NAALADL2: variants seen among roughly 807,000 people sequenced by gnomAD.
The protein encoded by NAALADL2 is inactive N-acetylated-alpha-linked acidic dipeptidase-like protein 2.
Under a neutral mutation model 87.2 loss-of-function variants are expected in NAALADL2, and 76 were observed. The ratio of observed to expected loss-of-function variants is 0.87; its 90% confidence interval spans 0.72 to 1.05. The LOEUF (loss-of-function observed/expected upper bound fraction) is 1.05, where lower values mean the gene tolerates loss of function less well. Ranked by LOEUF, NAALADL2 falls within the 50% of genes least tolerant of loss-of-function variation. The pLI, the probability that NAALADL2 is intolerant of heterozygous loss-of-function variation, is 0.00. For missense variants in NAALADL2, 1,089 were observed against 945.8 expected, an observed-to-expected ratio of 1.15 and a Z score of -1.99; for synonymous variants, 354 against 331.0, an observed-to-expected ratio of 1.07 and a Z score of -0.75.
chr3:175,787,881 T>C (rs1017286395), intron 13 of NAALADL2, among the ~76,000 whole-genome samples: 27 of 152,214 alleles, frequency 1.8e-4, no homozygotes, highest in African/African-American at 6.0e-4. Flanking sequence ...TACAATAAGC[T>C]AAGGCTAATT....
At chr3:174,668,158 A>G (rs1481032711) in intron 2 of NAALADL2, among the ~76,000 whole-genome samples, 1 of 151,982 alleles carries the variant, frequency 6.6e-6, no homozygotes, top group Non-Finnish European at 1.5e-5. Flanking sequence ...GGTTATTTGC[A>G]TGTCTTCCTT....
chr3:174,943,437 C>G (rs1369279569), intron 1 of NAALADL2, among the ~76,000 whole-genome samples: 1 of 152,158 alleles, frequency 6.6e-6, no homozygotes, highest in Non-Finnish European at 1.5e-5. Flanking sequence ...TGTTCCCTCT[C>G]AATACTCTTG....
chr3:174,934,450 A>G (rs969168047), intron 1 of NAALADL2, among the ~76,000 whole-genome samples: 9 of 152,116 alleles, frequency 5.9e-5, no homozygotes, highest in African/African-American at 2.2e-4. Context: ...TACAATAACA[A>G]CACAGCTTTA....
At chr3:174,522,966 A>G (rs1299926170) in intron 1 of NAALADL2, among the ~76,000 whole-genome samples, 2 of 151,256 alleles carry the variant, frequency 1.3e-5, no homozygotes, top group African/African-American at 2.4e-5. Context: ...AAGAAAAAAA[A>G]CAACAACAAG....
At position 175,381,828 on chromosome 3, in the gene NAALADL2, G is replaced by T. The variant is rs892390367; in HGVS notation, c.1090+57503G>T. Among the ~76,000 whole-genome samples, 4 of 152,276 alleles carry T rather than the reference G, an allele frequency of 2.6e-5. No individual in the cohort carries two copies. In the South Asian group the frequency reaches 8.3e-4, roughly 32 times the overall value. ...ATTGTGGAGCAACAAGTGACTGGCG[G>T]GTTTGGGACAGTGAGAACAGCCATA... is the stretch of plus-strand genomic sequence containing the variant. On this transcript the variant is annotated intron_variant, in intron 5 of 13. Transcript: ENST00000454872.
At chr3:175,325,634 CTAAGTTGG>C (rs1016265707) in intron 5 of NAALADL2, among the ~76,000 whole-genome samples, 4 of 152,188 alleles carry the variant, frequency 2.6e-5, no homozygotes, top group African/African-American at 9.7e-5. Flanking sequence ...GTGCTCTAAC[CTAAGTTGG>C]TAAGTTGGTA....
intron 6 of NAALADL2, among the ~76,000 whole-genome samples, chr3:175,454,329 T>C (rs926329726): frequency 6.6e-6 from 1 of 152,136 alleles, no homozygotes; most frequent in African/African-American, 2.4e-5. Context: ...ATACATTTTG[T>C]ATTCTTTTAT....
At chr3:175,003,878 A>G (rs1351750889) in intron 1 of NAALADL2, among the ~76,000 whole-genome samples, 1 of 152,232 alleles carries the variant, frequency 6.6e-6, no homozygotes, top group African/African-American at 2.4e-5. Flanking sequence ...CAACAGAACA[A>G]GCCATCTGTC....
chr3:174,799,541 G>A (rs538861163), intron 3 of NAALADL2, among the ~76,000 whole-genome samples: 47 of 152,114 alleles, frequency 3.1e-4, no homozygotes, highest in Non-Finnish European at 6.0e-4. Context: ...TGACTGTGAA[G>A]CTTAAAAAGC....
At chr3:175,708,967 A>G (rs546263898) in intron 11 of NAALADL2, among the ~76,000 whole-genome samples, 2 of 145,172 alleles carry the variant, frequency 1.4e-5, no homozygotes, top group Non-Finnish European at 3.0e-5. Flanking sequence ...ATTTTCTTCA[A>G]GGTAGAAGAT....
chr3:175,292,516 T>C (rs1755758053), intron 4 of NAALADL2, among the ~76,000 whole-genome samples: 1 of 152,018 alleles, frequency 6.6e-6, no homozygotes, highest in South Asian at 2.1e-4. Context: ...TGATAATATT[T>C]CCACCTATTG....
intron 1 of NAALADL2, among the ~76,000 whole-genome samples, chr3:174,541,447 T>C (rs1179143304): frequency 1.3e-5 from 2 of 152,210 alleles, no homozygotes; most frequent in African/African-American, 4.8e-5. Flanking sequence ...AAGGTGATGG[T>C]TAAATAACAT....
chr3:175,368,698 G>A (rs1198489536), intron 5 of NAALADL2, among the ~76,000 whole-genome samples: 1 of 151,972 alleles, frequency 6.6e-6, no homozygotes, highest in Non-Finnish European at 1.5e-5. Context: ...ATTGTTGAGA[G>A]AACATCATAG....
chr3:174,499,224 C>T (rs1025902271), intron 1 of NAALADL2, among the ~76,000 whole-genome samples: 1 of 152,094 alleles, frequency 6.6e-6, no homozygotes, highest in East Asian at 1.9e-4. Context: ...GATGAAATGT[C>T]TGTTTAAATC....
chr3:174,490,975 G>A (rs1008405445), intron 1 of NAALADL2, among the ~76,000 whole-genome samples: 1 of 152,052 alleles, frequency 6.6e-6, no homozygotes, highest in Non-Finnish European at 1.5e-5. Flanking sequence ...TATTTTATAT[G>A]TGTATAAAAT....
chr3:175,241,767 G>T (rs73045244), intron 3 of NAALADL2, among the ~76,000 whole-genome samples: 1 of 151,364 alleles, frequency 6.6e-6, no homozygotes, highest in Non-Finnish European at 1.5e-5. Context: ...ATTCAACTAG[G>T]TGGTTAAAGT....
At chr3:174,694,230 G>T (rs1728829017) in intron 2 of NAALADL2, among the ~76,000 whole-genome samples, 1 of 151,918 alleles carries the variant, frequency 6.6e-6, no homozygotes, top group East Asian at 1.9e-4. Context: ...ATTCCACATA[G>T]AGAGAATAAA....
chr3:174,796,918 T>C lies in NAALADL2; in HGVS notation c.-9+59172T>C, dbSNP rs1290613168. ...CCTATTTTGCAGGTTGTCTTTTCAC[T>C]CTGTTGATTATTTGTTTTGCTGTGC... On this transcript the variant is annotated intron_variant, in intron 3 of 3. Transcript: ENST00000434257. Among the ~76,000 whole-genome samples, 4 of 152,064 alleles carry C rather than the reference T, an allele frequency of 2.6e-5. No homozygotes were observed. In the South Asian group the frequency reaches 8.3e-4, roughly 32 times the overall value.
At chr3:174,930,945 T>C (rs2108416573) in intron 1 of NAALADL2, among the ~76,000 whole-genome samples, 1 of 152,100 alleles carries the variant, frequency 6.6e-6, no homozygotes, top group Middle Eastern at 3.4e-3. Context: ...TAAATGCTAT[T>C]TGTATATATC....
Sources: gnomAD v4.1 joint callset for allele counts (sites outside exome capture counted in the v4.1 genomes callset) on GRCh38, gnomAD v4.1.1 for gene constraint, MANE v1.5 for transcripts, NCBI Gene and HGNC (gene_info 2026-07-23, HGNC 2026-07-21) for gene names.